FAM167A: variants seen among roughly 807,000 people sequenced by gnomAD.
The protein encoded by FAM167A is protein FAM167A.
FAM167A carries 23 observed loss-of-function variants against 14.9 expected under a neutral mutation model. The observed-to-expected ratio is 1.55, with a 90% CI of 1.11 to 2.19. FAM167A has a LOEUF of 2.19. Ranked by LOEUF, FAM167A falls within the 30% of genes most tolerant of loss-of-function variation. FAM167A has a pLI of 0.00. For synonymous variants in FAM167A, 174 were observed against 117.7 expected (o/e 1.48, Z -3.10); for missense variants, 401 against 281.5 (o/e 1.42, Z -3.04).
At chr8:11,457,064 T>TGGGTTGGGGAAGTGGGCGGGGCA (rs1380868008) in intron 1 of FAM167A, among the ~76,000 whole-genome samples, 6 of 56,244 alleles carry the variant, frequency 1.1e-4, no homozygotes, top group Non-Finnish European at 2.0e-4. Context: ...TGGGTGGGGC[T>TGGGTTGGGGAAGTGGGCGGGGCA]GGGTTGGGGA....
rs1806370458 is a variant in FAM167A at position 11,440,463 on chromosome 8, G to C, written c.381+3568C>G. On this transcript the variant is annotated intron_variant, in intron 2 of 2. Coordinates refer to ENST00000284486, the MANE Select transcript of FAM167A (RefSeq NM_053279.3). ...CTGTTAGGATCCTCCCAGCCTCAGAGATCAGCCACAGTCAGGCAATCATTC... is the reference window on the plus strand; with the variant it reads ...CTGTTAGGATCCTCCCAGCCTCAGACATCAGCCACAGTCAGGCAATCATTC... Among the ~76,000 whole-genome samples the C allele has an allele frequency of 2.6e-5, 4 of 152,240 alleles. No homozygotes were observed. The South Asian group carries it at 8.3e-4, about 32-fold the overall frequency.
intron 1 of FAM167A, among the ~76,000 whole-genome samples, chr8:11,475,809 G>A (rs116457088): frequency 0.015 from 2,263 of 152,124 alleles, 68 homozygotes; most frequent in African/African-American, 0.051. Context: ...AACTCAAATT[G>A]CTGCCCTTCA....
chr8:11,465,695 G>A (rs955589548), intron 1 of FAM167A, among the ~76,000 whole-genome samples: 1 of 152,228 alleles, frequency 6.6e-6, no homozygotes, highest in African/African-American at 2.4e-5. Context: ...TTAGTGAGGG[G>A]CAGGACTGTG....
chr8:11,449,469 C>T lies in FAM167A; in HGVS notation c.-397-4661G>A, dbSNP rs144824373. Among the ~76,000 whole-genome samples the T allele has an allele frequency of 4.1e-4, 63 of 152,266 alleles. 1 individual carries two copies. Among genetic ancestry groups the T allele is most frequent in the South Asian group, 3.1e-3 (15 of 4,826 alleles). On this transcript the variant is annotated intron_variant, in intron 1 of 2. Transcript: ENST00000284486. ...CCAGGGACTCCTGGGGCCCAGGCCC[C>T]GGGAGGAAGAGCCCCCCAACACTCT...
intron 1 of FAM167A, among the ~76,000 whole-genome samples, chr8:11,454,651 T>C (rs745685167): frequency 1.3e-5 from 2 of 152,232 alleles, no homozygotes; most frequent in Non-Finnish European, 2.9e-5. Flanking sequence ...TTTTGTTTTC[T>C]GAAAAGGCAA....
chr8:11,459,931 T>A (rs1001299345), intron 1 of FAM167A, among the ~76,000 whole-genome samples: 2 of 152,220 alleles, frequency 1.3e-5, no homozygotes, highest in African/African-American at 4.8e-5. Context: ...TTTCACCATA[T>A]TGGCCAGGCT....
Position 11,422,568 on chromosome 8 carries a change from C to T in FAM167A, c.*1805G>A, listed in dbSNP as rs1804830145. ...GCACAGAGCATGGCAGACAGTAGAT[C>T]TTGGCTGCGTTGTTCTGCCTACTTT... On this transcript the variant is annotated 3_prime_UTR_variant, in exon 3 of 3. Coordinates refer to ENST00000284486, the MANE Select transcript of FAM167A (RefSeq NM_053279.3). 1 of 152,608 alleles carries T rather than the reference C, an allele frequency of 6.6e-6. No individual in the cohort carries two copies. 9.5% of individuals were successfully genotyped at this position (152,608 alleles called of 1,614,324 possible). A position where few individuals can be genotyped will look rare whatever the true frequency, so the allele number is the denominator to read the frequency against.
intron 2 of FAM167A, among the ~76,000 whole-genome samples, chr8:11,439,523 C>T (rs1164432537): frequency 1.3e-5 from 2 of 152,102 alleles, no homozygotes; most frequent in Non-Finnish European, 2.9e-5. Context: ...TCACAGGCCT[C>T]CTGCCATGAC....
intron 1 of FAM167A, among the ~76,000 whole-genome samples, chr8:11,464,918 G>A (rs1451284300): frequency 6.6e-6 from 1 of 152,190 alleles, no homozygotes; most frequent in Non-Finnish European, 1.5e-5. Flanking sequence ...CTCCTGGAGG[G>A]GGGCCAAGCT....
chr8:11,429,958 C>G (rs77002639), intron 2 of FAM167A, among the ~76,000 whole-genome samples: 2,340 of 152,296 alleles, frequency 0.015, 59 homozygotes, highest in African/African-American at 0.053. Flanking sequence ...AAGAGGTGCA[C>G]CATCACTTAA....
At chr8:11,445,227 ACAGCCGGGGGGTCCC>A (rs1433977897) in intron 1 of FAM167A, 2 of 985,212 alleles carry the variant, frequency 2.0e-6, no homozygotes, top group Non-Finnish European at 2.4e-6. Flanking sequence ...CTCTGTGGCA[ACAGCCGGGGGGTCCC>A]CAGAGCCAGC....
Position 11,456,495 on chromosome 8 carries a change from G to A in FAM167A, c.-398+10131C>T, listed in dbSNP as rs1356332986. 2.6e-5 allele frequency among the ~76,000 whole-genome samples: 3 copies of A among 115,538 alleles called. No individual in the cohort carries two copies. In the East Asian group the frequency reaches 8.5e-4, roughly 33 times the overall value. The allele number at this position is 115,538 out of a possible 152,430, so 75.8% of individuals were successfully genotyped here. A position where few individuals can be genotyped will look rare whatever the true frequency, so the allele number is the denominator to read the frequency against. On this transcript the variant is annotated intron_variant, in intron 1 of 2. Coordinates refer to ENST00000284486, the MANE Select transcript of FAM167A (RefSeq NM_053279.3). ...GTGCTTGGGGGGTGGTTGCCCTGAT[G>A]GGTGTGTGAGTGTGAGTGTGGGGGC...
rs1310776689 is a variant in FAM167A, at chr8:11,444,080, T to A, written c.332A>T (p.Glu111Val). The change falls in exon 2 of 3, where the codon GAA (glutamate) becomes GTA (valine). Residue 111 changes from glutamate to valine, a missense_variant. Transcript: ENST00000284486. ...AGCTTCATCGATGCTCTGAAAGCCTTCCAGCTTGCCAGTGGACAGGGGTCT... is the reference window on the plus strand; with the variant it reads ...AGCTTCATCGATGCTCTGAAAGCCTACCAGCTTGCCAGTGGACAGGGGTCT... ...GARPLSTGKLEGFQSIDEAIA... is the reference protein window; with the variant it reads ...GARPLSTGKLVGFQSIDEAIA... 1 of 1,613,558 alleles carries A rather than the reference T, an allele frequency of 6.2e-7. No individual in the cohort carries two copies. Among genetic ancestry groups the A allele is most frequent in the Admixed American group, 1.7e-5 (1 of 60,028 alleles).
chr8:11,459,849 G>A, intron 1 of FAM167A, among the ~76,000 whole-genome samples: 1 of 152,180 alleles, frequency 6.6e-6, no homozygotes, highest in East Asian at 1.9e-4. Context: ...CTGAGTAGCT[G>A]GGATTACAGG....
Position 11,444,150 on chromosome 8 carries a change from C to T in FAM167A, c.262G>A (p.Ala88Thr), listed in dbSNP as rs757708114. 1.9e-6 allele frequency: 3 copies of T among 1,613,016 alleles called. No individual in the cohort carries two copies. The highest frequency in any genetic ancestry group is 1.3e-5 in the African/African-American group (1 of 74,934). The part of the protein sequence containing the change: ...GQEPLLPLRE[A>T]GQHPPSARSA... ...CTGGCAGAAGGGGGGTGCTGCCCAG[C>T]CTCTCTCAGGGGGAGCAAGGGCTCC... Residue 88 changes from alanine (A) to threonine (T), a missense_variant, in exon 2 of 3, where the codon GCT (alanine) becomes ACT (threonine). Ala to Thr is a moderately conservative substitution (Grantham distance 58). Coordinates refer to ENST00000284486, the MANE Select transcript of FAM167A (RefSeq NM_053279.3).
chr8:11,455,293 G>T (rs981957234), intron 1 of FAM167A, among the ~76,000 whole-genome samples: 1 of 145,700 alleles, frequency 6.9e-6, no homozygotes, highest in Admixed American at 6.8e-5. Context: ...TCTGGGGGGG[G>T]TGGTTACCCT....
chr8:11,447,661 A>C (rs1806842617), intron 1 of FAM167A, among the ~76,000 whole-genome samples: 1 of 152,218 alleles, frequency 6.6e-6, no homozygotes, highest in Non-Finnish European at 1.5e-5. Flanking sequence ...GGTCACAGGC[A>C]GGTGCCAGCA....
intron 2 of FAM167A, among the ~76,000 whole-genome samples, chr8:11,440,773 G>T (rs561297244): frequency 6.6e-6 from 1 of 152,202 alleles, no homozygotes; most frequent in Non-Finnish European, 1.5e-5. Context: ...CTGTAGGAAG[G>T]GCTTGCCCAG....
intron 2 of FAM167A, among the ~76,000 whole-genome samples, chr8:11,439,562 GTTCTC>G (rs148860429): frequency 0.3 from 46,279 of 151,826 alleles, 8,390 homozygotes; most frequent in East Asian, 0.67. Flanking sequence ...ACTTGTCAAG[GTTCTC>G]TTCTCTCTCT....
Sources: gnomAD v4.1 joint callset for allele counts (sites outside exome capture counted in the v4.1 genomes callset) on GRCh38, gnomAD v4.1.1 for gene constraint, MANE v1.5 for transcripts, NCBI Gene and HGNC (gene_info 2026-07-23, HGNC 2026-07-21) for gene names.